The following TAF1B variants were observed in gnomAD, a reference collection of about 807,000 sequenced individuals.
TAF1B encodes TATA-box binding protein associated factor, RNA polymerase I subunit B.
In TAF1B, 61 loss-of-function variants were observed where a neutral mutation model predicts 83.9. The observed-to-expected ratio is 0.73, with a 90% CI of 0.59 to 0.90. The LOEUF (loss-of-function observed/expected upper bound fraction) is 0.90, where lower values mean the gene tolerates loss of function less well. TAF1B is among the 40% of genes least tolerant of loss of function. The pLI is 0.00. For missense variants in TAF1B, 625 were observed against 677.0 expected (o/e 0.92, Z 0.85); for synonymous variants, 221 against 224.6 (o/e 0.98, Z 0.14).
At chr2:9,886,715 C>G (rs558819812) in intron 8 of TAF1B, among the ~76,000 whole-genome samples, 1 of 152,192 alleles carries the variant, frequency 6.6e-6, no homozygotes, top group African/African-American at 2.4e-5. Flanking sequence ...GAGACTGTTT[C>G]TATAATAGCC....
At chr2:9,896,911 C>G (rs1285858660) in intron 8 of TAF1B, among the ~76,000 whole-genome samples, 2 of 152,176 alleles carry the variant, frequency 1.3e-5, no homozygotes, top group African/African-American at 2.4e-5. Flanking sequence ...AAATTTTAGT[C>G]TTTCCAGCCA....
chr2:9,910,987 G>C, intron 10 of TAF1B, 74 bp downstream of exon 10: 1 of 1,387,918 alleles, frequency 7.2e-7, no homozygotes, highest in Non-Finnish European at 9.8e-7. Context: ...AGCTTTAAAT[G>C]TCATGAAGAC....
At chr2:9,897,621 C>A (rs934702168) in intron 8 of TAF1B, among the ~76,000 whole-genome samples, 2 of 152,186 alleles carry the variant, frequency 1.3e-5, no homozygotes, top group African/African-American at 4.8e-5. Flanking sequence ...AGCAATCTTA[C>A]ACCCTTTGTG....
At chr2:9,873,484 C>A (rs536995278) in intron 6 of TAF1B, among the ~76,000 whole-genome samples, 1 of 152,256 alleles carries the variant, frequency 6.6e-6, no homozygotes. Context: ...ACTAAAATTC[C>A]TATCTCTAGT....
At chr2:9,902,864 T>G (rs1309675440) in intron 8 of TAF1B, among the ~76,000 whole-genome samples, 1 of 152,218 alleles carries the variant, frequency 6.6e-6, no homozygotes, top group East Asian at 1.9e-4. Context: ...TTTGATACTG[T>G]TCTACCATAT....
intron 3 of TAF1B, among the ~76,000 whole-genome samples, chr2:9,850,224 C>G (rs1193639542): frequency 1.3e-5 from 2 of 152,098 alleles, no homozygotes; most frequent in South Asian, 2.1e-4. Context: ...CCTTGACCTA[C>G]TTAAATAGTT....
intron 5 of TAF1B, among the ~76,000 whole-genome samples, chr2:9,864,704 A>C (rs926919293): frequency 3.3e-5 from 5 of 152,190 alleles, no homozygotes; most frequent in Non-Finnish European, 5.9e-5. Context: ...AATACTGGCA[A>C]ACCGAATCCA....
intron 5 of TAF1B, among the ~76,000 whole-genome samples, chr2:9,857,958 C>T (rs1391276035): frequency 6.6e-6 from 1 of 152,110 alleles, no homozygotes; most frequent in African/African-American, 2.4e-5. Context: ...TCCACCCCTG[C>T]CCCCTGCCAA....
At chr2:9,843,668 T>A in intron 1 of TAF1B, 109 bp downstream of exon 1, 1 of 1,254,440 alleles carries the variant, frequency 8.0e-7, no homozygotes, top group Non-Finnish European at 1.1e-6. Context: ...CGCCACCGGC[T>A]GGAGGAAGGC....
intron 5 of TAF1B, among the ~76,000 whole-genome samples, chr2:9,856,526 T>G (rs1274746143): frequency 6.6e-6 from 1 of 152,140 alleles, no homozygotes; most frequent in Non-Finnish European, 1.5e-5. Context: ...AGGTAACACT[T>G]TGAAAAAGAA....
In TAF1B at chr2:9,874,555, C is replaced by T. The variant is rs904888688; in HGVS notation, c.554-1310C>T. On this transcript the variant is annotated intron_variant, in intron 6 of 14. Coordinates refer to ENST00000263663, the MANE Select transcript of TAF1B (RefSeq NM_005680.3). ...CCTAGTAGCTGGGATTACAGGTGCACACCATGGCACCTGGCTCTGCCAATT... is the reference window on the plus strand; with the variant it reads ...CCTAGTAGCTGGGATTACAGGTGCATACCATGGCACCTGGCTCTGCCAATT... Among the ~76,000 whole-genome samples, 9 of 152,148 alleles carry T rather than the reference C, an allele frequency of 5.9e-5. 1 individual carries two copies. In the South Asian group the frequency reaches 1.9e-3, roughly 32 times the overall value.
intron 5 of TAF1B, among the ~76,000 whole-genome samples, chr2:9,865,592 G>A (rs181149824): frequency 2.6e-4 from 39 of 151,150 alleles, no homozygotes; most frequent in African/African-American, 8.7e-4. Context: ...AAAAACTAAA[G>A]TTCACATGGA....
At chr2:9,888,906 C>T (rs951558616) in intron 8 of TAF1B, among the ~76,000 whole-genome samples, 8 of 148,526 alleles carry the variant, frequency 5.4e-5, no homozygotes, top group East Asian at 2.0e-4. Context: ...TGGGTTCAAG[C>T]GATTCTCTTG....
At chr2:9,845,478 T>G (rs753485444) in intron 2 of TAF1B, 160 bp downstream of exon 2, 15 of 535,340 alleles carry the variant, frequency 2.8e-5, no homozygotes, top group Non-Finnish European at 5.1e-5. Flanking sequence ...ACACATAGGT[T>G]AAGGGATTTG....
intron 1 of TAF1B, 40 bp downstream of exon 1, chr2:9,843,599 G>A (rs1208997800): frequency 3.4e-6 from 5 of 1,481,062 alleles, no homozygotes; most frequent in African/African-American, 2.9e-5. Flanking sequence ...GATCGCCGGG[G>A]CCGGAGGAGA....
chr2:9,847,745 G>C (rs1252149318), intron 2 of TAF1B, among the ~76,000 whole-genome samples: 3 of 152,164 alleles, frequency 2.0e-5, no homozygotes, highest in African/African-American at 7.2e-5. Context: ...AGACTTGTGT[G>C]AATGTAAGAG....
rs926570591 is a variant in TAF1B at position 9,914,459 on chromosome 2, G to C, written c.1271+1210G>C. ...ATCAGCCTTCCTTTCTGTGGTGCTA[G>C]CTGGGGTTAGTCCTGACGGATCCTA... On this transcript the variant is annotated intron_variant, in intron 12 of 14. Coordinates refer to ENST00000263663, the MANE Select transcript of TAF1B (RefSeq NM_005680.3). The surrounding 1 kb of genome is among the most constrained non-coding windows in gnomAD (Gnocchi z 4.3). Among the ~76,000 whole-genome samples the C allele has an allele frequency of 2.0e-5, 3 of 152,134 alleles. No homozygotes were observed. Among genetic ancestry groups the C allele is most frequent in the Admixed American group, 1.3e-4 (2 of 15,280 alleles).
chr2:9,920,246 T>C (rs1237143317), intron 14 of TAF1B, among the ~76,000 whole-genome samples: 1 of 152,194 alleles, frequency 6.6e-6, no homozygotes, highest in East Asian at 1.9e-4. Context: ...TTAATACTGA[T>C]ACGATACCTT....
intron 8 of TAF1B, among the ~76,000 whole-genome samples, chr2:9,885,618 TCA>T (rs1025989971): frequency 2.6e-5 from 4 of 152,186 alleles, no homozygotes; most frequent in African/African-American, 9.6e-5. Flanking sequence ...CTTTATGTCT[TCA>T]CAGTTATTCA....
Sources: allele counts gnomAD v4.1 joint callset (sites outside exome capture counted in the v4.1 genomes callset), GRCh38; gene constraint gnomAD v4.1.1; non-coding constraint Gnocchi (gnomAD v3.1); transcripts MANE v1.5; gene names NCBI Gene and HGNC (gene_info 2026-07-23, HGNC 2026-07-21).